Variants in RB1 observed in about 807,000 individuals in gnomAD.
The protein encoded by RB1 is RB transcriptional corepressor 1.
In RB1, 18 loss-of-function variants were observed where a neutral mutation model predicts 135.4. The ratio of observed to expected loss-of-function variants is 0.13; its 90% confidence interval spans 0.09 to 0.20. The LOEUF (loss-of-function observed/expected upper bound fraction) is 0.20. Ranked by LOEUF, RB1 falls within the 10% of genes least tolerant of loss-of-function variation. The pLI, the probability that RB1 is intolerant of heterozygous loss-of-function variation, is 1.00. For synonymous variants in RB1, 365 were observed against 373.2 expected, an observed-to-expected ratio of 0.98 and a Z score of 0.25; for missense variants, 868 against 1,110.0, an observed-to-expected ratio of 0.78 and a Z score of 3.10.
At chr13:48,366,765 A>C (rs1952703797) in intron 9 of RB1, among the ~76,000 whole-genome samples, 1 of 152,214 alleles carries the variant, frequency 6.6e-6, no homozygotes, top group Non-Finnish European at 1.5e-5. Flanking sequence ...TTGGTAGAAT[A>C]TGTAATCAAG....
chr13:48,304,436 C>A (rs1277449407), intron 1 of RB1, among the ~76,000 whole-genome samples: 1 of 152,132 alleles, frequency 6.6e-6, no homozygotes, highest in Non-Finnish European at 1.5e-5. Context: ...TTGGAGTACT[C>A]CGGTGGTCGT....
chr13:48,318,662 C>A (rs1050249365), intron 2 of RB1: 1 of 613,434 alleles, frequency 1.6e-6, no homozygotes, highest in Admixed American at 2.6e-5. Context: ...CCCGCGTTTT[C>A]TTGGGCGTGG....
At position 48,405,633 on chromosome 13, in the gene RB1, C is replaced by T. The variant is rs530401122; in HGVS notation, c.1695+24190C>T. Among the ~76,000 whole-genome samples the T allele has an allele frequency of 7.2e-5, 11 of 152,270 alleles. No homozygotes were observed. In the South Asian group the frequency reaches 2.3e-3, roughly 32 times the overall value. ...AGTTGCAGCCAGAAAGTAGAGCCTG[C>T]AAACCGAAAATATTTACTATCTACT... On this transcript the variant is annotated intron_variant, in intron 17 of 26. Coordinates refer to ENST00000267163, the MANE Select transcript of RB1 (RefSeq NM_000321.3).
chr13:48,367,098 G>A (rs1004962971), intron 9 of RB1, among the ~76,000 whole-genome samples: 19 of 98,104 alleles, frequency 1.9e-4, no homozygotes, highest in Admixed American at 4.9e-4. Flanking sequence ...CAGCCTGGGC[G>A]AAAGAGCGAA....
intron 20 of RB1, among the ~76,000 whole-genome samples, chr13:48,463,446 A>G (rs1949417832): frequency 6.6e-6 from 1 of 152,212 alleles, no homozygotes; most frequent in Non-Finnish European, 1.5e-5. Context: ...TTCTACTTTC[A>G]ACTTTTCTGG....
intron 21 of RB1, 120 bp from the exon 22 acceptor site, chr13:48,464,878 C>G: frequency 9.0e-7 from 1 of 1,106,688 alleles, no homozygotes; most frequent in South Asian, 1.8e-5. Context: ...TGCTTCTTAC[C>G]AGTCAAAAAG....
At position 48,479,948 on chromosome 13, in the gene RB1, A is replaced by G. The variant is rs369460145; in HGVS notation, c.2714-50A>G. 17 of 1,512,586 alleles carry G rather than the reference A, an allele frequency of 1.1e-5. No homozygotes were observed. The African/African-American group carries it at 2.4e-4, about 21-fold the overall frequency. The allele number at this position is 1,512,586 out of a possible 1,614,324, so 93.7% of individuals were successfully genotyped here. A position where few individuals can be genotyped will look rare whatever the true frequency, so the allele number is the denominator to read the frequency against. On this transcript the variant is annotated intron_variant, in intron 26 of 26. Transcript: ENST00000267163. The stretch of plus-strand genomic sequence containing the variant: ...TAATATATATGGCAGCCACTTGCCA[A>G]CTTACCCAGTACCATCAATGCTGTT...
At chr13:48,310,643 T>A (rs114013023) in intron 2 of RB1, among the ~76,000 whole-genome samples, 1 of 152,134 alleles carries the variant, frequency 6.6e-6, no homozygotes, top group Non-Finnish European at 1.5e-5. Flanking sequence ...ATCATTGATG[T>A]ATTTTTTTTT....
intron 17 of RB1, among the ~76,000 whole-genome samples, chr13:48,428,647 G>A (rs898291703): frequency 4.6e-5 from 7 of 152,208 alleles, no homozygotes; most frequent in Non-Finnish European, 1.0e-4. Flanking sequence ...AGAAATTTAA[G>A]ATTAAGAGAT....
rs2138326887 is a variant in RB1 at position 48,452,976 on chromosome 13, C to G, written c.1696-17C>G. On this transcript the variant is annotated splice_polypyrimidine_tract_variant and intron_variant, in intron 17 of 26. Transcript: ENST00000267163. ...ATGCTTACTAATGTGGTTTTAATTT[C>G]ATCATGTTTCATATAGGATTCACCT... 1 of 1,611,180 alleles carries G rather than the reference C, an allele frequency of 6.2e-7. No individual in the cohort carries two copies. The highest frequency in any genetic ancestry group is 8.5e-7 in the Non-Finnish European group (1 of 1,179,288).
chr13:48,368,752 T>G, intron 11 of RB1, 148 bp downstream of exon 11: 4 of 1,253,854 alleles, frequency 3.2e-6, no homozygotes, highest in Non-Finnish European at 4.2e-6. Flanking sequence ...ACACCTGTAA[T>G]CCCAGCACTT....
chr13:48,349,710 TA>T (rs1952530492), intron 6 of RB1, among the ~76,000 whole-genome samples: 1 of 151,958 alleles, frequency 6.6e-6, no homozygotes, highest in Non-Finnish European at 1.5e-5. Context: ...ACGTTGAACA[TA>T]AATGGACTAA....
At chr13:48,317,304 G>GGCGGGGCCC in intron 2 of RB1, 1 of 397,398 alleles carries the variant, frequency 2.5e-6, no homozygotes. Flanking sequence ...GCAGGCCCCA[G>GGCGGGGCCC]GCGGGGCCCT....
chr13:48,383,605 C>T (rs1322890341), intron 17 of RB1, among the ~76,000 whole-genome samples: 2 of 151,738 alleles, frequency 1.3e-5, no homozygotes, highest in Non-Finnish European at 2.9e-5. Context: ...TTAGTGTTTT[C>T]TTGTATTGCC....
intron 17 of RB1, chr13:48,416,696 T>C (rs1327824461): frequency 6.6e-6 from 1 of 152,336 alleles, no homozygotes; most frequent in African/African-American, 2.4e-5. Flanking sequence ...CTTGAAACTC[T>C]TACTGCCAGC....
At chr13:48,428,453 C>A (rs183921624) in intron 17 of RB1, among the ~76,000 whole-genome samples, 107 of 151,390 alleles carry the variant, frequency 7.1e-4, no homozygotes, top group African/African-American at 2.5e-3. Context: ...TTCTACCAAA[C>A]CTCACCTCCA....
chr13:48,443,255 A>G (rs544687968), intron 17 of RB1, among the ~76,000 whole-genome samples: 187 of 151,810 alleles, frequency 1.2e-3, no homozygotes, highest in African/African-American at 4.3e-3. Flanking sequence ...TTCCTTTTTC[A>G]GTAAATGGAT....
chr13:48,365,169 G>T (rs1952682795), intron 9 of RB1, among the ~76,000 whole-genome samples, 198 bp downstream of exon 9: 1 of 151,872 alleles, frequency 6.6e-6, no homozygotes, highest in African/African-American at 2.4e-5. Flanking sequence ...AAATGTATTA[G>T]CATCATTTTG....
At chr13:48,458,058 G>A (rs1024455048) in intron 19 of RB1, among the ~76,000 whole-genome samples, 4 of 152,190 alleles carry the variant, frequency 2.6e-5, no homozygotes, top group African/African-American at 7.2e-5. Flanking sequence ...TGGCTTGGGC[G>A]GCTGCAGAAG....
Sources: gnomAD v4.1 joint callset for allele counts (sites outside exome capture counted in the v4.1 genomes callset) on GRCh38, gnomAD v4.1.1 for gene constraint, MANE v1.5 for transcripts, NCBI Gene and HGNC (gene_info 2026-07-23, HGNC 2026-07-21) for gene names.